The following SCNN1G variants were observed in gnomAD, a reference collection of about 807,000 sequenced individuals.
SCNN1G encodes the protein epithelial sodium channel subunit gamma.
Under a neutral mutation model 64.6 loss-of-function variants are expected in SCNN1G, and 27 were observed. The ratio of observed to expected loss-of-function variants is 0.42; its 90% CI spans 0.31 to 0.58. The LOEUF is 0.58. Ranked by LOEUF, SCNN1G falls within the 20% of genes least tolerant of loss-of-function variation. The pLI is 0.18. For synonymous variants in SCNN1G, 330 were observed against 314.2 expected (o/e 1.05, Z -0.53); for missense variants, 743 against 823.4 (o/e 0.90, Z 1.19).
At chr16:23,191,600 A>AT (rs1253827706) in intron 3 of SCNN1G, among the ~76,000 whole-genome samples, 1 of 151,994 alleles carries the variant, frequency 6.6e-6, no homozygotes, top group Non-Finnish European at 1.5e-5. Context: ...TAATTTTTCT[A>AT]TTTTTTATGG....
At chr16:23,184,898 C>T (rs1286223828) in intron 1 of SCNN1G, among the ~76,000 whole-genome samples, 1 of 152,202 alleles carries the variant, frequency 6.6e-6, no homozygotes, top group East Asian at 1.9e-4. Context: ...CTGTAGAAGG[C>T]ATAGGACGAC....
Position 23,215,256 on chromosome 16 carries a change from C to T in SCNN1G, c.1737C>T (p.Pro579=), listed in dbSNP as rs767251358. The part of the protein sequence containing the change: ...AKEWWAWKQA[P]PCPEAPRSPQ... ...AGTGGTGGGCCTGGAAACAGGCTCC[C>T]CCATGTCCAGAAGCTCCCCGTAGCC... The change falls in exon 13 of 13, where the codon CCC becomes CCT. Residue 579 remains proline, a synonymous_variant. Coordinates refer to ENST00000300061, the MANE Select transcript of SCNN1G (RefSeq NM_001039.4). 19 of 1,614,070 alleles carry T rather than the reference C, an allele frequency of 1.2e-5. No homozygotes were observed. In the African/African-American group the frequency reaches 2.3e-4, roughly 19 times the overall value.
rs749857939 is a variant in SCNN1G, at chr16:23,212,022, C to T, written c.1177-12C>T. On this transcript the variant is annotated splice_polypyrimidine_tract_variant and intron_variant, in intron 7 of 12. Coordinates refer to ENST00000300061, the MANE Select transcript of SCNN1G (RefSeq NM_001039.4). ...AAAGACATGAATGGCATTCCTGGGT[C>T]TCCTCTTTCAGATCTGCCTTCATTC... 1.3e-6 allele frequency: 2 copies of T among 1,570,370 alleles called. No homozygotes were observed. Among genetic ancestry groups the T allele is most frequent in the Non-Finnish European group, 1.8e-6 (2 of 1,140,188 alleles).
intron 3 of SCNN1G, 90 bp from the exon 4 acceptor site, chr16:23,192,262 C>T (rs1217220179): frequency 1.9e-6 from 2 of 1,045,024 alleles, no homozygotes; most frequent in African/African-American, 1.6e-5. Context: ...GAGTATCTGG[C>T]CTGGAGTCTC....
At chr16:23,194,148 T>C in intron 4 of SCNN1G, 23 bp from the exon 5 acceptor site, 1 of 1,544,242 alleles carries the variant, frequency 6.5e-7, no homozygotes, top group Non-Finnish European at 9.0e-7. Flanking sequence ...GATCCCTTTC[T>C]GACCCATTTT....
chr16:23,200,811 C>T (rs1764312543), intron 6 of SCNN1G, among the ~76,000 whole-genome samples: 1 of 152,156 alleles, frequency 6.6e-6, no homozygotes, highest in South Asian at 2.1e-4. Flanking sequence ...TGAGGAGGTG[C>T]TATTTAAGCT....
rs777224273 is a variant in SCNN1G, at chr16:23,215,079, T to C, written c.1570-10T>C. On this transcript the variant is annotated splice_polypyrimidine_tract_variant and intron_variant, in intron 12 of 12. Transcript: ENST00000300061. ...TTCCTCTTGATGGTGTGGCTTGGCC[T>C]GTCTTGCAGATTGAGATGCTTCTGT... is the stretch of plus-strand genomic sequence containing the variant. 1 of 1,613,828 alleles carries C rather than the reference T, an allele frequency of 6.2e-7. No homozygotes were observed. The highest frequency in any genetic ancestry group is 1.3e-5 in the African/African-American group (1 of 74,914).
intron 6 of SCNN1G, 51 bp from the exon 7 acceptor site, chr16:23,209,699 G>T (rs745936695): frequency 4.3e-6 from 6 of 1,400,876 alleles, no homozygotes; most frequent in South Asian, 3.5e-5. Context: ...CAAAGCCCCC[G>T]CCTGGGTCCG....
chr16:23,207,966 T>C (rs2141942039), intron 6 of SCNN1G, among the ~76,000 whole-genome samples: 1 of 151,924 alleles, frequency 6.6e-6, no homozygotes, highest in South Asian at 2.1e-4. Context: ...TACCCCCATC[T>C]CCCCAACCAA....
At chr16:23,205,997 A>G (rs1959984229) in intron 6 of SCNN1G, among the ~76,000 whole-genome samples, 1 of 151,828 alleles carries the variant, frequency 6.6e-6, no homozygotes, top group Admixed American at 6.5e-5. Flanking sequence ...CTCTCACTCA[A>G]ACAAAGTCTT....
At chr16:23,201,861 G>A (rs963812300) in intron 6 of SCNN1G, among the ~76,000 whole-genome samples, 1 of 152,216 alleles carries the variant, frequency 6.6e-6, no homozygotes, top group Non-Finnish European at 1.5e-5. Context: ...TCCAGCTGGA[G>A]TGCAGTGGTG....
chr16:23,207,594 G>A (rs758331220), intron 6 of SCNN1G, among the ~76,000 whole-genome samples: 10 of 152,212 alleles, frequency 6.6e-5, no homozygotes, highest in Non-Finnish European at 1.3e-4. Flanking sequence ...GGGTTGCAGG[G>A]CAAAGTAAAT....
intron 11 of SCNN1G, 61 bp from the exon 12 acceptor site, chr16:23,214,651 C>T (rs1402390329): frequency 7.5e-7 from 1 of 1,328,714 alleles, no homozygotes; most frequent in Non-Finnish European, 1.1e-6. Flanking sequence ...GACAGCCATG[C>T]TGAGGACTGG....
chr16:23,190,754 A>G (rs983827343), intron 3 of SCNN1G, among the ~76,000 whole-genome samples: 1 of 151,476 alleles, frequency 6.6e-6, no homozygotes, highest in Non-Finnish European at 1.5e-5. Flanking sequence ...CAGCAGAAAC[A>G]TCAATATTCG....
At position 23,203,131 on chromosome 16, in the gene SCNN1G, A is replaced by C. The variant is rs1188838409; in HGVS notation, c.1077+5704A>C. 3.3e-5 allele frequency among the ~76,000 whole-genome samples: 5 copies of C among 152,356 alleles called. No individual in the cohort carries two copies. The East Asian group carries it at 9.6e-4, about 29-fold the overall frequency. The stretch of plus-strand genomic sequence containing the variant: ...GTTGGCATCAGATAAATCAAGGAAG[A>C]GAATTTTACAGAAGGTGTGACCAAA... On this transcript the variant is annotated intron_variant, in intron 6 of 12. Coordinates refer to ENST00000300061, the MANE Select transcript of SCNN1G (RefSeq NM_001039.4).
intron 9 of SCNN1G, 33 bp from the exon 10 acceptor site, chr16:23,212,804 T>G: frequency 6.2e-7 from 1 of 1,613,888 alleles, no homozygotes; most frequent in Non-Finnish European, 8.5e-7. Context: ...TGGGTTGGGC[T>G]GCCTACACTC....
chr16:23,184,097 T>C (rs926169581), intron 1 of SCNN1G, among the ~76,000 whole-genome samples: 2 of 152,250 alleles, frequency 1.3e-5, no homozygotes, highest in Admixed American at 6.5e-5. Flanking sequence ...CATAATCTAA[T>C]GGTAGCTACA....
intron 6 of SCNN1G, among the ~76,000 whole-genome samples, chr16:23,198,742 A>G (rs757398712): frequency 2.7e-5 from 4 of 150,872 alleles, no homozygotes; most frequent in Non-Finnish European, 5.9e-5. Flanking sequence ...CTGTCTCAAA[A>G]ACAAACAAAC....
chr16:23,186,041 CCAAAAACAAACGT>C (rs984809564), intron 1 of SCNN1G, among the ~76,000 whole-genome samples, 174 bp from the exon 2 acceptor site: 21 of 152,244 alleles, frequency 1.4e-4, no homozygotes, highest in African/African-American at 4.8e-4. Context: ...GCTGTGGTGG[CCAAAAACAAACGT>C]CCCGTGGAAA....
Sources: allele counts gnomAD v4.1 joint callset (sites outside exome capture counted in the v4.1 genomes callset), GRCh38; gene constraint gnomAD v4.1.1; transcripts MANE v1.5; gene names NCBI Gene and HGNC (gene_info 2026-07-23, HGNC 2026-07-21).